The following LDB1 variants were observed in gnomAD, a reference collection of about 807,000 sequenced individuals.
The protein encoded by LDB1 is LIM domain-binding protein 1.
Under a neutral mutation model 49.7 loss-of-function variants are expected in LDB1, and 6 were observed. That is an observed-to-expected ratio of 0.12 (90% CI 0.07 to 0.24). The LOEUF (loss-of-function observed/expected upper bound fraction) is 0.24. Ranked by LOEUF, LDB1 falls within the 10% of genes least tolerant of loss-of-function variation. The pLI is 1.00. For missense variants in LDB1, 341 were observed against 561.7 expected, an observed-to-expected ratio of 0.61 and a Z score of 3.97; for synonymous variants, 233 against 202.0, an observed-to-expected ratio of 1.15 and a Z score of -1.30.
chr10:102,114,625 C>T, intron 1 of LDB1: 2 of 984,960 alleles, frequency 2.0e-6, no homozygotes, highest in Non-Finnish European at 2.4e-6. Context: ...GGGAAAGTTA[C>T]AATGGCCACT....
In LDB1 at chr10:102,107,029, G is replaced by A. The variant is rs1411308509; in HGVS notation, c.*1064C>T. Among the ~76,000 whole-genome samples the A allele has an allele frequency of 2.0e-5, 3 of 152,158 alleles. No individual in the cohort carries two copies. Among genetic ancestry groups the A allele is most frequent in the Admixed American group, 6.5e-5 (1 of 15,282 alleles). ...GAGTAGGATTACATATGCAGTTGGA[G>A]GGGCTGAGGGAAGATTCTGGAGGAA... is the stretch of plus-strand genomic sequence containing the variant. On this transcript the variant is annotated 3_prime_UTR_variant, in exon 11 of 11. Coordinates refer to ENST00000673968, the MANE Select transcript of LDB1 (RefSeq NM_001113407.3).
At chr10:102,110,754 G>A (rs1474017622) in intron 5 of LDB1, 53 bp from the exon 6 acceptor site, 1 of 1,589,420 alleles carries the variant, frequency 6.3e-7, no homozygotes, top group East Asian at 2.2e-5. Flanking sequence ...AAGGGGCCAG[G>A]CAGATGCCTC....
At chr10:102,114,323 TC>T in intron 1 of LDB1, 1 of 985,476 alleles carries the variant, frequency 1.0e-6, no homozygotes, top group Non-Finnish European at 1.2e-6. Context: ...GGGGCACCTC[TC>T]CCCCAGCCCG....
chr10:102,109,940 C>T lies in LDB1; in HGVS notation c.629G>A (p.Arg210His), dbSNP rs762694194. 15 of 1,609,918 alleles carry T rather than the reference C, an allele frequency of 9.3e-6. No individual in the cohort carries two copies. Among genetic ancestry groups the T allele is most frequent in the Admixed American group, 5.0e-5 (3 of 59,920 alleles). ...SIRQHRELIPRSILAMHAQDP... is the reference protein window; with the variant it reads ...SIRQHRELIPHSILAMHAQDP... Reference sequence around the variant, plus strand: ...ACTCACATGCATGGCAAGGATGCTGCGGGGGATGAGCTCTCGGTGCTGCCG... The same window carrying T: ...ACTCACATGCATGGCAAGGATGCTGTGGGGGATGAGCTCTCGGTGCTGCCG... Residue 210 changes from arginine (R) to histidine (H), a missense_variant, in exon 7 of 11, where the codon CGC becomes CAC. By Grantham distance (29) the Arg-to-His change is conservative. Transcript: ENST00000673968. The surrounding 1 kb of genome is among the most constrained non-coding windows in gnomAD (Gnocchi z 5.8).
Position 102,107,683 on chromosome 10 carries a change from A to G in LDB1, c.*410T>C, listed in dbSNP as rs2815396. ...CTATTACCAGCTGCCTAGGGGAAGG[A>G]GCATTCAACGAAGCCCCGTAACTTT... is the stretch of plus-strand genomic sequence containing the variant. On this transcript the variant is annotated 3_prime_UTR_variant, in exon 11 of 11. Coordinates refer to ENST00000673968, the MANE Select transcript of LDB1 (RefSeq NM_001113407.3). 6.7e-3 allele frequency: 1,267 copies of G among 190,140 alleles called. 27 individuals carry two copies. The highest frequency in any genetic ancestry group is 0.028 in the African/African-American group (1,195 of 42,888). The allele number at this position is 190,140 out of a possible 1,614,324, so 11.8% of individuals were successfully genotyped here.
chr10:102,107,234 T>C lies in LDB1; in HGVS notation c.*859A>G, dbSNP rs1364600219. 2.0e-5 allele frequency among the ~76,000 whole-genome samples: 3 copies of C among 151,892 alleles called. No individual in the cohort carries two copies. The highest frequency in any genetic ancestry group is 4.4e-5 in the Non-Finnish European group (3 of 67,942). On this transcript the variant is annotated 3_prime_UTR_variant, in exon 11 of 11. Coordinates refer to ENST00000673968, the MANE Select transcript of LDB1 (RefSeq NM_001113407.3). The stretch of plus-strand genomic sequence containing the variant: ...AATATACATACCATGGGGGTGGGGC[T>C]GGAAGAGAGGGAGTCACAAGCACTA...
rs775185519 is a variant in LDB1, at chr10:102,109,927, G to A, written c.642C>T (p.Ala214=). The A allele has an allele frequency of 6.2e-7, 1 of 1,609,212 alleles. No individual in the cohort carries two copies. The highest frequency in any genetic ancestry group is 1.1e-5 in the South Asian group (1 of 91,016). ...GGTCCTGCCCACGACTCACATGCATGGCAAGGATGCTGCGGGGGATGAGCT... is the reference window on the plus strand; with the variant it reads ...GGTCCTGCCCACGACTCACATGCATAGCAAGGATGCTGCGGGGGATGAGCT... ...HRELIPRSIL[A]MHAQDPQMLD... is the part of the protein sequence containing the mutation. Residue 214 remains alanine, a synonymous_variant, in exon 7 of 11, where the codon GCC becomes GCT. Coordinates refer to ENST00000673968, the MANE Select transcript of LDB1 (RefSeq NM_001113407.3). This position sits in a 1 kb window ranked among gnomAD's most constrained non-coding sequence, Gnocchi z 5.8.
rs1383341583 is a variant in LDB1 at position 102,111,151 on chromosome 10, G to A, written c.174-7C>T. ...GCCATATGGTGTGTGCCTCCTGGAG[G>A]AAGTGAAGGAGAGAGGTCAGTAGGA... is the stretch of plus-strand genomic sequence containing the variant. On this transcript the variant is annotated splice_polypyrimidine_tract_variant and splice_region_variant and intron_variant, in intron 3 of 10. Coordinates refer to ENST00000673968, the MANE Select transcript of LDB1 (RefSeq NM_001113407.3). The A allele has an allele frequency of 1.2e-6, 2 of 1,613,730 alleles. No individual in the cohort carries two copies. Among genetic ancestry groups the A allele is most frequent in the Admixed American group, 1.7e-5 (1 of 60,000 alleles).
At chr10:102,106,261 ACTCTCC>A (rs1210504034), downstream of LDB1, among the ~76,000 whole-genome samples, 2 of 151,662 alleles carry the variant, frequency 1.3e-5, no homozygotes, top group African/African-American at 4.8e-5. Flanking sequence ...GAGAAAGCCA[ACTCTCC>A]CTCAACTTTT....
rs2068164066 is a variant in LDB1, at chr10:102,106,644, A to C, written c.*1449T>G. Among the ~76,000 whole-genome samples the C allele has an allele frequency of 6.8e-6, 1 of 146,826 alleles. No homozygotes were observed. Among genetic ancestry groups the C allele is most frequent in the South Asian group, 2.2e-4 (1 of 4,628 alleles). ...CACCCCTTCCCTCAGCTCCTGACTC[A>C]ATACCCTTCCAAAAGTGGCAGCTGG... On this transcript the variant is annotated 3_prime_UTR_variant, in exon 11 of 11. Coordinates refer to ENST00000673968, the MANE Select transcript of LDB1 (RefSeq NM_001113407.3).
At chr10:102,112,234 C>A (rs1056086970) in intron 1 of LDB1, among the ~76,000 whole-genome samples, 1 of 152,176 alleles carries the variant, frequency 6.6e-6, no homozygotes, top group Non-Finnish European at 1.5e-5. Flanking sequence ...TCAAAACAAC[C>A]TTATGAGGTA....
At chr10:102,114,812 G>GGGGGGCCCCCCCCCCCCCCC in intron 1 of LDB1, 178 of 929,732 alleles carry the variant, frequency 1.9e-4, no homozygotes, top group Non-Finnish European at 2.2e-4. Flanking sequence ...CCTCCGAGCA[G>GGGGGGCCCCCCCCCCCCCCC]CCCGCCCGCC....
At chr10:102,103,685 G>A (rs538395029), downstream of LDB1, among the ~76,000 whole-genome samples, 3 of 152,088 alleles carry the variant, frequency 2.0e-5, no homozygotes, top group South Asian at 2.1e-4. Context: ...ATGGTGGTGC[G>A]CACCTGTAGT....
chr10:102,120,382 T>A (rs1590294575), upstream of LDB1: 1 of 983,244 alleles, frequency 1.0e-6, no homozygotes, highest in South Asian at 4.7e-5. Context: ...CGTGTGTGCG[T>A]GTGTGCGCGT....
chr10:102,108,478 T>TC (rs1203493407), intron 10 of LDB1, among the ~76,000 whole-genome samples, 155 bp from the exon 11 acceptor site: 4 of 147,414 alleles, frequency 2.7e-5, no homozygotes, highest in Admixed American at 2.0e-4. Context: ...CCTGACACCC[T>TC]CAGCTCCTGG....
At chr10:102,102,998 C>T (rs151262853), downstream of LDB1, among the ~76,000 whole-genome samples, 6 of 152,170 alleles carry the variant, frequency 3.9e-5, no homozygotes, top group East Asian at 1.2e-3. Flanking sequence ...CCAGTGGCTT[C>T]GAAGTCCATC....
intron 6 of LDB1, 200 bp from the exon 7 acceptor site, chr10:102,110,243 G>A: frequency 1.6e-6 from 1 of 640,936 alleles, no homozygotes; most frequent in Non-Finnish European, 2.7e-6. Context: ...CAGTAGAAAA[G>A]CTTAACAGAT....
chr10:102,111,012 T>A, intron 4 of LDB1, 41 bp from the exon 5 acceptor site: 1 of 1,611,322 alleles, frequency 6.2e-7, no homozygotes, highest in Non-Finnish European at 8.5e-7. Context: ...TCATAAGATA[T>A]CCCATAGGGT....
intron 1 of LDB1, among the ~76,000 whole-genome samples, chr10:102,111,924 C>T (rs561889747): frequency 1.3e-5 from 2 of 152,234 alleles, no homozygotes; most frequent in East Asian, 1.9e-4. Context: ...TGGATAGGGA[C>T]GGTCTTATGG....
Sources: gnomAD v4.1 joint callset for allele counts (sites outside exome capture counted in the v4.1 genomes callset) on GRCh38, gnomAD v4.1.1 for gene constraint, Gnocchi (gnomAD v3.1) non-coding constraint, MANE v1.5 for transcripts, NCBI Gene and HGNC (gene_info 2026-07-23, HGNC 2026-07-21) for gene names.